Variants in CTNNA3 observed in about 807,000 individuals in gnomAD.
CTNNA3 encodes the protein catenin alpha 3.
In CTNNA3, 76 loss-of-function variants were observed where a neutral mutation model predicts 95.7. The observed-to-expected ratio is 0.79, with a 90% CI of 0.66 to 0.96. The LOEUF is 0.96. Ranked by LOEUF, CTNNA3 falls within the 40% of genes least tolerant of loss-of-function variation. The pLI, the probability that CTNNA3 is intolerant of heterozygous loss-of-function variation, is 0.00. For synonymous variants in CTNNA3, 431 were observed against 374.4 expected, an observed-to-expected ratio of 1.15 and a Z score of -1.74; for missense variants, 1,191 against 1,089.8, an observed-to-expected ratio of 1.09 and a Z score of -1.31.
At chr10:66,847,501 G>A (rs1564721296) in intron 7 of CTNNA3, among the ~76,000 whole-genome samples, 1 of 152,108 alleles carries the variant, frequency 6.6e-6, no homozygotes, top group Non-Finnish European at 1.5e-5. Context: ...GCATTTGAAT[G>A]GTAGTTTTGT....
intron 2 of CTNNA3, among the ~76,000 whole-genome samples, chr10:67,608,297 A>G (rs1229725973): frequency 1.3e-5 from 2 of 152,238 alleles, no homozygotes; most frequent in African/African-American, 4.8e-5. Context: ...ATACTGACTT[A>G]ATTATAATTA....
chr10:66,783,435 A>G (rs772519850), intron 7 of CTNNA3, among the ~76,000 whole-genome samples: 1 of 152,178 alleles, frequency 6.6e-6, no homozygotes, highest in Non-Finnish European at 1.5e-5. Context: ...AAACTTTTTT[A>G]CTGAGTCACC....
At chr10:67,575,957 G>T (rs1842128721) in intron 3 of CTNNA3, among the ~76,000 whole-genome samples, 1 of 152,168 alleles carries the variant, frequency 6.6e-6, no homozygotes, top group Non-Finnish European at 1.5e-5. Flanking sequence ...CTAGTCAAGG[G>T]AATGGTCTGA....
At chr10:67,552,786 A>C (rs534096461) in intron 3 of CTNNA3, among the ~76,000 whole-genome samples, 1 of 152,102 alleles carries the variant, frequency 6.6e-6, no homozygotes, top group East Asian at 1.9e-4. Flanking sequence ...CTGTTCCTGC[A>C]TTAGTTTGCT....
At chr10:66,332,924 T>G (rs1043764218) in intron 12 of CTNNA3, among the ~76,000 whole-genome samples, 2 of 152,054 alleles carry the variant, frequency 1.3e-5, no homozygotes, top group African/African-American at 4.8e-5. Flanking sequence ...TGGTCTATTC[T>G]GAAATTCAAC....
chr10:67,668,247 T>G (rs1200264031), intron 1 of CTNNA3, among the ~76,000 whole-genome samples: 1 of 100,112 alleles, frequency 1.0e-5, no homozygotes, highest in Non-Finnish European at 1.7e-5. Context: ...GAATAGATAC[T>G]ACTTACTTAA....
chr10:66,391,155 T>G lies in CTNNA3; in HGVS notation c.1532-11803A>C, dbSNP rs562797112. On this transcript the variant is annotated intron_variant, in intron 11 of 17. Coordinates refer to ENST00000433211, the MANE Select transcript of CTNNA3 (RefSeq NM_013266.4). ...TCTTTGCACTGAAAGCTGCTTATTC[T>G]TTCGCTTTTAGACAGCTCGAATTTA... Among the ~76,000 whole-genome samples, 37 of 152,288 alleles carry G rather than the reference T, an allele frequency of 2.4e-4. No homozygotes were observed. The South Asian group carries it at 7.2e-3, about 30-fold the overall frequency.
At chr10:67,035,277 T>C (rs1421833686) in intron 7 of CTNNA3, among the ~76,000 whole-genome samples, 1 of 152,202 alleles carries the variant, frequency 6.6e-6, no homozygotes, top group Admixed American at 6.5e-5. Context: ...ATGCTGCAAG[T>C]CACTAGATTT....
At chr10:67,620,923 G>GTGTGTATATATATATATATA (rs1402402526) in intron 2 of CTNNA3, among the ~76,000 whole-genome samples, 3 of 123,808 alleles carry the variant, frequency 2.4e-5, no homozygotes, top group South Asian at 2.5e-4. Flanking sequence ...GTGTGTGTGT[G>GTGTGTATATATATATATATA]TATATATATA....
chr10:66,211,740 A>T (rs1464439574), intron 13 of CTNNA3, among the ~76,000 whole-genome samples: 6 of 152,170 alleles, frequency 3.9e-5, no homozygotes, highest in Non-Finnish European at 5.9e-5. Flanking sequence ...TGGTAGTAAG[A>T]GGTGGAGTTT....
chr10:67,349,813 C>A (rs1175878967), intron 5 of CTNNA3, among the ~76,000 whole-genome samples: 2 of 152,108 alleles, frequency 1.3e-5, no homozygotes, highest in Non-Finnish European at 2.9e-5. Context: ...TTCCTCCAAC[C>A]TCAGCCTAGA....
chr10:65,949,512 G>C (rs1424120996), intron 17 of CTNNA3, among the ~76,000 whole-genome samples: 1 of 152,134 alleles, frequency 6.6e-6, no homozygotes, highest in Non-Finnish European at 1.5e-5. Context: ...CCCACAAAGA[G>C]AGCCTGAGAG....
upstream of CTNNA3, among the ~76,000 whole-genome samples, chr10:67,700,916 C>A (rs1841033809): frequency 6.6e-6 from 1 of 152,098 alleles, no homozygotes; most frequent in African/African-American, 2.4e-5. Flanking sequence ...ATAACCAATA[C>A]AGAGAAGTGC....
intron 5 of CTNNA3, among the ~76,000 whole-genome samples, chr10:67,329,318 C>T (rs1211963209): frequency 6.6e-6 from 1 of 152,194 alleles, no homozygotes; most frequent in Non-Finnish European, 1.5e-5. Flanking sequence ...CTGCAGTCAG[C>T]TGAGATGATG....
At chr10:66,713,699 T>C (rs2132613826) in intron 9 of CTNNA3, among the ~76,000 whole-genome samples, 1 of 152,236 alleles carries the variant, frequency 6.6e-6, no homozygotes, top group Middle Eastern at 3.4e-3. Flanking sequence ...ACAAGCCTTG[T>C]CCACCTATAT....
intron 1 of CTNNA3, among the ~76,000 whole-genome samples, chr10:67,664,939 A>G (rs1385426191): frequency 1.3e-5 from 2 of 152,208 alleles, no homozygotes; most frequent in African/African-American, 2.4e-5. Context: ...TCCATGCACA[A>G]TTTAAGTTTA....
intron 12 of CTNNA3, among the ~76,000 whole-genome samples, chr10:66,343,965 G>T (rs1486038754): frequency 6.6e-6 from 1 of 151,792 alleles, no homozygotes; most frequent in African/African-American, 2.4e-5. Context: ...AGGGGCTCAT[G>T]CCTGTAATCT....
At chr10:66,069,527 T>A (rs1194992577) in intron 14 of CTNNA3, 38 bp from the exon 15 acceptor site, 2 of 1,502,794 alleles carry the variant, frequency 1.3e-6, no homozygotes, top group Admixed American at 4.0e-5. Context: ...ATCATTCCAC[T>A]ATGTCAAAAG....
chr10:66,743,313 A>G lies in CTNNA3; in HGVS notation c.1281+22951T>C, dbSNP rs375477463. Among the ~76,000 whole-genome samples, 11 of 152,340 alleles carry G rather than the reference A, an allele frequency of 7.2e-5. 2 individuals carry two copies. Among genetic ancestry groups the G allele is most frequent in the East Asian group, 1.9e-4 (1 of 5,186 alleles). On this transcript the variant is annotated intron_variant, in intron 9 of 17. Transcript: ENST00000433211. Reference sequence around the variant, plus strand: ...TCTCTAAAGAGGAAAAACCCTTAGAATTAGAGGAAAAGATCGTACAAATTT... The same window carrying G: ...TCTCTAAAGAGGAAAAACCCTTAGAGTTAGAGGAAAAGATCGTACAAATTT...
Sources: allele counts gnomAD v4.1 joint callset (sites outside exome capture counted in the v4.1 genomes callset), GRCh38; gene constraint gnomAD v4.1.1; transcripts MANE v1.5; gene names NCBI Gene and HGNC (gene_info 2026-07-23, HGNC 2026-07-21).